SCN8A: variants seen among roughly 807,000 people sequenced by gnomAD.
SCN8A encodes sodium channel protein type 8 subunit alpha.
Under a neutral mutation model 184.1 loss-of-function variants are expected in SCN8A, and 30 were observed. The ratio of observed to expected loss-of-function variants is 0.16; its 90% CI spans 0.12 to 0.22. The LOEUF (loss-of-function observed/expected upper bound fraction) is 0.22. SCN8A is among the 10% of genes least tolerant of loss of function. SCN8A has a pLI of 1.00. For missense variants in SCN8A, 1,057 were observed against 2,498.9 expected, an observed-to-expected ratio of 0.42 and a Z score of 12.30; for synonymous variants, 852 against 907.0, an observed-to-expected ratio of 0.94 and a Z score of 1.09.
intron 3 of SCN8A, among the ~76,000 whole-genome samples, chr12:51,685,716 C>A (rs1941407835): frequency 6.6e-6 from 1 of 152,100 alleles, no homozygotes; most frequent in African/African-American, 2.4e-5. Context: ...TGATGCCTTG[C>A]CCCCAAAGAC....
chr12:51,677,847 C>T (rs901526977), intron 2 of SCN8A, among the ~76,000 whole-genome samples: 17 of 152,332 alleles, frequency 1.1e-4, no homozygotes, highest in African/African-American at 4.1e-4. Flanking sequence ...TCCCCTTGGG[C>T]AGTAACCGCA....
chr12:51,804,467 C>T (rs1592173022), intron 26 of SCN8A, among the ~76,000 whole-genome samples: 1 of 150,606 alleles, frequency 6.6e-6, no homozygotes, highest in South Asian at 2.1e-4. Flanking sequence ...TACAGGCATG[C>T]GCCACCGCGC....
In SCN8A at chr12:51,625,069, CTT is replaced by C. The variant is rs144252067; in HGVS notation, c.-55+33712_-55+33713del. Among the ~76,000 whole-genome samples the C allele has an allele frequency of 2.5e-4, 38 of 152,274 alleles. No homozygotes were observed. In the East Asian group the frequency reaches 6.9e-3, roughly 28 times the overall value. ...AAACGTACATACCTTAAAGTTCACT[CTT>C]TGTAAGGTACAGTTCTACGGATTTT... On this transcript the variant is annotated intron_variant, in intron 1 of 26. Coordinates refer to ENST00000627620, the MANE Select transcript of SCN8A (RefSeq NM_001330260.2).
In SCN8A at chr12:51,786,846, T is replaced by A; in HGVS notation, c.4227+20T>A. 1 of 1,601,052 alleles carries A rather than the reference T, an allele frequency of 6.2e-7. No homozygotes were observed. Reference sequence around the variant, plus strand: ...CAAGTAGTAAGTAGTGTTTTTGTTTTTGTTTTTTCAGTTCTGTGAAATTCA... The same window carrying A: ...CAAGTAGTAAGTAGTGTTTTTGTTTATGTTTTTTCAGTTCTGTGAAATTCA... On this transcript the variant is annotated intron_variant, in intron 22 of 26. Coordinates refer to ENST00000627620, the MANE Select transcript of SCN8A (RefSeq NM_001330260.2).
intron 1 of SCN8A, among the ~76,000 whole-genome samples, chr12:51,610,648 A>G (rs984721913): frequency 1.3e-5 from 2 of 152,250 alleles, no homozygotes; most frequent in Non-Finnish European, 2.9e-5. Flanking sequence ...TCCTTCATAT[A>G]TGATGCTTAG....
intron 22 of SCN8A, among the ~76,000 whole-genome samples, chr12:51,787,875 A>T: frequency 6.6e-6 from 1 of 152,188 alleles, no homozygotes; most frequent in East Asian, 1.9e-4. Flanking sequence ...AGTTCAAAAA[A>T]TTGGACCCAC....
At chr12:51,648,928 C>T (rs1171657413) in intron 1 of SCN8A, among the ~76,000 whole-genome samples, 1 of 152,216 alleles carries the variant, frequency 6.6e-6, no homozygotes, top group African/African-American at 2.4e-5. Flanking sequence ...AAAGTCTCAT[C>T]TGAGATGAGG....
chr12:51,792,798 A>G (rs1360871250), intron 25 of SCN8A, among the ~76,000 whole-genome samples: 1 of 152,172 alleles, frequency 6.6e-6, no homozygotes, highest in African/African-American at 2.4e-5. Context: ...GCTGGAGTGC[A>G]GTGGCGTGAT....
chr12:51,731,508 C>T (rs1336500938), intron 12 of SCN8A, among the ~76,000 whole-genome samples: 1 of 152,220 alleles, frequency 6.6e-6, no homozygotes, highest in Non-Finnish European at 1.5e-5. Flanking sequence ...GCCTCAGCCT[C>T]CCAAAGTGCT....
At chr12:51,784,223 G>A (rs1938012037) in intron 21 of SCN8A, among the ~76,000 whole-genome samples, 1 of 152,194 alleles carries the variant, frequency 6.6e-6, no homozygotes, top group Non-Finnish European at 1.5e-5. Flanking sequence ...CAGCTTATCA[G>A]CTAATGTTCA....
intron 11 of SCN8A, among the ~76,000 whole-genome samples, chr12:51,707,608 C>G (rs938521175): frequency 6.6e-6 from 1 of 152,188 alleles, no homozygotes; most frequent in African/African-American, 2.4e-5. Flanking sequence ...ACTGACTTGA[C>G]TGTTAATCTC....
chr12:51,731,237 T>C (rs1942236069), intron 12 of SCN8A, among the ~76,000 whole-genome samples: 1 of 150,788 alleles, frequency 6.6e-6, no homozygotes, highest in South Asian at 2.1e-4. Context: ...CTTTTTTCTT[T>C]TTCTTCTTCT....
At chr12:51,805,195 T>C (rs61933770) in intron 26 of SCN8A, among the ~76,000 whole-genome samples, 4,711 of 152,238 alleles carry the variant, frequency 0.031, 95 homozygotes, top group Non-Finnish European at 0.048. Context: ...GAATGAGTAA[T>C]CTAAAATTAT....
chr12:51,693,448 A>C (rs1215732048), intron 6 of SCN8A, among the ~76,000 whole-genome samples: 1 of 152,128 alleles, frequency 6.6e-6, no homozygotes, highest in Non-Finnish European at 1.5e-5. Flanking sequence ...ATCTCTTTCA[A>C]ATTACTGTTG....
chr12:51,734,788 A>G (rs1462498095), intron 12 of SCN8A, among the ~76,000 whole-genome samples: 3 of 152,276 alleles, frequency 2.0e-5, no homozygotes, highest in Non-Finnish European at 4.4e-5. Flanking sequence ...TGCAGGAGTC[A>G]GAATCTGCAT....
At chr12:51,685,728 A>T (rs1362047781) in intron 3 of SCN8A, among the ~76,000 whole-genome samples, 1 of 152,120 alleles carries the variant, frequency 6.6e-6, no homozygotes, top group African/African-American at 2.4e-5. Context: ...CCCAAAGACA[A>T]TTCAGCCCTT....
chr12:51,685,577 A>G (rs1941405794), intron 3 of SCN8A, among the ~76,000 whole-genome samples: 1 of 152,258 alleles, frequency 6.6e-6, no homozygotes, highest in African/African-American at 2.4e-5. Context: ...GGACACTTTC[A>G]GAATGGATTT....
At chr12:51,738,318 A>G (rs1245271456) in intron 12 of SCN8A, among the ~76,000 whole-genome samples, 1 of 152,220 alleles carries the variant, frequency 6.6e-6, no homozygotes, top group South Asian at 2.1e-4. Flanking sequence ...GAATAGTCCC[A>G]GGTCATCCAT....
At chr12:51,757,476 A>AT (rs1458904019) in intron 14 of SCN8A, among the ~76,000 whole-genome samples, 1 of 152,108 alleles carries the variant, frequency 6.6e-6, no homozygotes, top group African/African-American at 2.4e-5. Context: ...ATAAGGCTGA[A>AT]TTTTTTCTGC....
Sources: gnomAD v4.1 joint callset for allele counts (sites outside exome capture counted in the v4.1 genomes callset) on GRCh38, gnomAD v4.1.1 for gene constraint, MANE v1.5 for transcripts, NCBI Gene and HGNC (gene_info 2026-07-23, HGNC 2026-07-21) for gene names.